FBXW4: variants seen among roughly 807,000 people sequenced by gnomAD.
FBXW4 encodes the protein F-box and WD repeat domain containing 4.
In FBXW4, 40 loss-of-function variants were observed where a neutral mutation model predicts 61.8. The ratio of observed to expected loss-of-function variants is 0.65; its 90% CI spans 0.50 to 0.84. The LOEUF (loss-of-function observed/expected upper bound fraction) is 0.84, where lower values mean the gene tolerates loss of function less well. Among genes scored for constraint, FBXW4 ranks in the 40% least tolerant of loss-of-function variants. The pLI is 0.00. For missense variants in FBXW4, 672 were observed against 753.8 expected (o/e 0.89, Z 1.27); for synonymous variants, 311 against 313.8 (o/e 0.99, Z 0.10).
intron 4 of FBXW4, among the ~76,000 whole-genome samples, chr10:101,669,640 G>A (rs2064339062): frequency 1.3e-5 from 2 of 152,280 alleles, no homozygotes; most frequent in African/African-American, 2.4e-5. Context: ...CCAGAAACAT[G>A]AGATTCCATC....
intron 5 of FBXW4, among the ~76,000 whole-genome samples, chr10:101,636,546 A>G (rs2064003283): frequency 6.6e-6 from 1 of 151,824 alleles, no homozygotes; most frequent in Admixed American, 6.6e-5. Flanking sequence ...TACATATTTG[A>G]TAATATTTTT....
intron 6 of FBXW4, 144 bp from the exon 7 acceptor site, chr10:101,612,621 G>T: frequency 1.1e-6 from 1 of 943,334 alleles, no homozygotes; most frequent in Non-Finnish European, 1.5e-6. Context: ...GGGAGGAGAT[G>T]CCCAATTCCT....
intron 5 of FBXW4, among the ~76,000 whole-genome samples, chr10:101,667,448 G>A (rs930948508): frequency 1.1e-4 from 16 of 152,124 alleles, no homozygotes; most frequent in African/African-American, 2.2e-4. Context: ...ACTTAAGACT[G>A]TAAGGGATAC....
intron 1 of FBXW4, among the ~76,000 whole-genome samples, chr10:101,677,814 A>T (rs762007625): frequency 6.6e-5 from 10 of 151,906 alleles, no homozygotes; most frequent in Non-Finnish European, 1.2e-4. Context: ...AAAGAAATAC[A>T]TCAAATGATA....
rs386372272 is a variant in FBXW4 at position 101,640,484 on chromosome 10, C to CTTTTTTTTTTTT, written c.1236-15686_1236-15675dup. Among the ~76,000 whole-genome samples the CTTTTTTTTTTTT allele has an allele frequency of 1.3e-3, 105 of 83,888 alleles. 1 individual carries two copies. Among genetic ancestry groups the CTTTTTTTTTTTT allele is most frequent in the East Asian group, 1.6e-3 (4 of 2,434 alleles). 55.0% of individuals were successfully genotyped at this position (83,888 alleles called of 152,430 possible). A position where few individuals can be genotyped will look rare whatever the true frequency, so the allele number is the denominator to read the frequency against. On this transcript the variant is annotated intron_variant, in intron 5 of 8. Transcript: ENST00000331272. Reference sequence around the variant, plus strand: ...TCTTTTCTTTTCTTTCTTTCTTTCTCTTTTTTTTTTTTTTTTTTTTTTTGA... The same window carrying CTTTTTTTTTTTT: ...TCTTTTCTTTTCTTTCTTTCTTTCTCTTTTTTTTTTTTTTTTTTTTTTTTTTTTTTTTTTTGA...
Position 101,611,759 on chromosome 10 carries a change from T to C in FBXW4, c.1453A>G (p.Met485Val). Residue 485 changes from methionine to valine, a missense_variant, in exon 8 of 9, where the codon ATG becomes GTG. Coordinates refer to ENST00000331272, the MANE Select transcript of FBXW4 (RefSeq NM_022039.4). This position sits in a 1 kb window ranked among gnomAD's most constrained non-coding sequence, Gnocchi z 4.9. The stretch of plus-strand genomic sequence containing the variant: ...CTGTCGTGGGGCTCCTCCCACTCCA[T>C]GACACATTTCCTGTCCAGGAAGAGG... Reference protein sequence around the residue: ...DLRTSVRKCVMEWEEPHDSTL... With the variant: ...DLRTSVRKCVVEWEEPHDSTL... 6.2e-7 allele frequency: 1 copy of C among 1,613,748 alleles called. No individual in the cohort carries two copies. The highest frequency in any genetic ancestry group is 8.5e-7 in the Non-Finnish European group (1 of 1,179,814).
chr10:101,676,388 C>T lies in FBXW4; in HGVS notation c.774G>A (p.Trp258Ter), dbSNP rs760956768. The change falls in exon 2 of 9, where the codon TGG becomes TGA. Residue 258 changes from tryptophan to a stop codon, truncating the protein, a stop_gained. Transcript: ENST00000331272. LOFTEE classifies it high-confidence loss of function. Reference protein sequence around the residue: ...VKERVKVSQNWRLGRCREGIL... With the variant: ...VKERVKVSQN The stretch of plus-strand genomic sequence containing the variant: ...TCCCCTCTCGGCAGCGCCCCAGTCT[C>T]CAGTTCTGAGACACCTTCACTCGTT... The T allele has an allele frequency of 6.2e-7, 1 of 1,613,856 alleles. No individual in the cohort carries two copies. Among genetic ancestry groups the T allele is most frequent in the Non-Finnish European group, 8.5e-7 (1 of 1,179,938 alleles).
At position 101,642,839 on chromosome 10, in the gene FBXW4, C is replaced by T. The variant is rs951080855; in HGVS notation, c.1236-18029G>A. On this transcript the variant is annotated intron_variant, in intron 5 of 8. Coordinates refer to ENST00000331272, the MANE Select transcript of FBXW4 (RefSeq NM_022039.4). The stretch of plus-strand genomic sequence containing the variant: ...AATGCCATGCCCACCATCAGCGCCA[C>T]CAGGCCCTCCTTTAAAGTGCCAAGA... Among the ~76,000 whole-genome samples the T allele has an allele frequency of 8.9e-4, 135 of 152,306 alleles. 1 individual carries two copies. Among genetic ancestry groups the T allele is most frequent in the Middle Eastern group, 3.4e-3 (1 of 294 alleles).
chr10:101,688,399 C>T (rs1487541683), intron 1 of FBXW4, among the ~76,000 whole-genome samples: 1 of 152,118 alleles, frequency 6.6e-6, no homozygotes, highest in African/African-American at 2.4e-5. Flanking sequence ...TAAAGAGGGG[C>T]GGCAGGCACA....
chr10:101,625,569 C>A (rs1477861425), intron 5 of FBXW4: 2 of 152,208 alleles, frequency 1.3e-5, no homozygotes, highest in East Asian at 3.9e-4. Context: ...TCAACATATA[C>A]AATCTGCAGA....
At chr10:101,657,134 T>A (rs996055338) in intron 5 of FBXW4, among the ~76,000 whole-genome samples, 3 of 152,128 alleles carry the variant, frequency 2.0e-5, no homozygotes, top group African/African-American at 7.2e-5. Flanking sequence ...CAAGCCTATA[T>A]GACAGGATCC....
At chr10:101,683,710 G>C (rs775680902) in intron 1 of FBXW4, among the ~76,000 whole-genome samples, 1 of 152,142 alleles carries the variant, frequency 6.6e-6, no homozygotes, top group African/African-American at 2.4e-5. Context: ...TCTGAGATCA[G>C]AAAACTCCTG....
chr10:101,626,556 C>T (rs2063908929), intron 5 of FBXW4: 1 of 152,426 alleles, frequency 6.6e-6, no homozygotes, highest in Admixed American at 6.5e-5. Flanking sequence ...GTGGTGCAAT[C>T]TTGGCTCACT....
intron 5 of FBXW4, chr10:101,660,166 C>T: frequency 1.0e-6 from 1 of 985,386 alleles, no homozygotes; most frequent in Non-Finnish European, 1.2e-6. Flanking sequence ...AGAAAGAGCT[C>T]CTACACAGCA....
chr10:101,664,619 G>C (rs2064280739), intron 5 of FBXW4, among the ~76,000 whole-genome samples: 1 of 152,204 alleles, frequency 6.6e-6, no homozygotes, highest in South Asian at 2.1e-4. Context: ...ACCTCAAGAA[G>C]ACTGCAAAAG....
intron 1 of FBXW4, among the ~76,000 whole-genome samples, chr10:101,678,185 T>G (rs2064436061): frequency 6.6e-6 from 1 of 152,164 alleles, no homozygotes; most frequent in African/African-American, 2.4e-5. Context: ...TGGCACTGTT[T>G]GGGGATGGGT....
At chr10:101,621,511 G>A (rs11191068) in intron 6 of FBXW4, among the ~76,000 whole-genome samples, 1,688 of 152,244 alleles carry the variant, frequency 0.011, 18 homozygotes, top group Middle Eastern at 0.024. Context: ...CTGGGTGACA[G>A]AGCAAGTCCC....
intron 4 of FBXW4, among the ~76,000 whole-genome samples, chr10:101,670,316 T>C (rs970775238): frequency 5.3e-5 from 8 of 152,256 alleles, no homozygotes; most frequent in Non-Finnish European, 1.0e-4. Flanking sequence ...ATCTTAATGG[T>C]AACTTCTTAG....
intron 5 of FBXW4, among the ~76,000 whole-genome samples, chr10:101,640,302 G>A (rs2064039575): frequency 6.6e-6 from 1 of 152,104 alleles, no homozygotes; most frequent in Non-Finnish European, 1.5e-5. Flanking sequence ...CTGCTTGAGG[G>A]ATGGGAGTCT....
Sources: gnomAD v4.1 joint callset for allele counts (sites outside exome capture counted in the v4.1 genomes callset) on GRCh38, gnomAD v4.1.1 for gene constraint, Gnocchi (gnomAD v3.1) non-coding constraint, MANE v1.5 for transcripts, NCBI Gene and HGNC (gene_info 2026-07-23, HGNC 2026-07-21) for gene names.